The following TFCP2 variants were observed in gnomAD, a reference collection of about 807,000 sequenced individuals.
TFCP2 encodes the protein transcription factor CP2, also known as alpha-globin transcription factor CP2.
A neutral mutation model predicts 73.4 loss-of-function variants in TFCP2; 33 were observed. The observed-to-expected ratio is 0.45, with a 90% CI of 0.34 to 0.60. TFCP2 has a LOEUF of 0.60. Ranked by LOEUF, TFCP2 falls within the 20% of genes least tolerant of loss-of-function variation. The probability of loss-of-function intolerance (pLI) is 0.01; values close to 1 mark genes in which losing one functional copy is unlikely to be tolerated. For synonymous variants in TFCP2, 193 were observed against 211.6 expected, an observed-to-expected ratio of 0.91 and a Z score of 0.76; for missense variants, 352 against 604.0, an observed-to-expected ratio of 0.58 and a Z score of 4.37.
intron 1 of TFCP2, among the ~76,000 whole-genome samples, chr12:51,123,874 G>A (rs1493382): frequency 0.058 from 8,907 of 152,258 alleles, 501 homozygotes; most frequent in East Asian, 0.18. Flanking sequence ...CCCCAACAGG[G>A]CAGACTAAAA....
chr12:51,165,603 G>C (rs1197652071), intron 1 of TFCP2, among the ~76,000 whole-genome samples: 1 of 152,120 alleles, frequency 6.6e-6, no homozygotes, highest in Non-Finnish European at 1.5e-5. Context: ...GGCTGGAGTG[G>C]GGGGAGATGG....
chr12:51,172,581 G>A lies in TFCP2; in HGVS notation c.-159C>T. ...CCAAGCCCGACCAGCACTGCTCTGT[G>A]CACAACTAATCTCCCGTACCCTTGG... On this transcript the variant is annotated 5_prime_UTR_variant, in exon 1 of 15. Transcript: ENST00000257915. 1.1e-6 allele frequency: 1 copy of A among 895,612 alleles called. No homozygotes were observed. The highest frequency in any genetic ancestry group is 1.7e-6 in the Non-Finnish European group (1 of 602,960). 55.5% of individuals were successfully genotyped at this position (895,612 alleles called of 1,614,324 possible).
chr12:51,169,471 A>C (rs1349885611), intron 1 of TFCP2, among the ~76,000 whole-genome samples: 2 of 152,090 alleles, frequency 1.3e-5, no homozygotes, highest in African/African-American at 4.8e-5. Flanking sequence ...ACTGAATTCC[A>C]GCCTGGGCAA....
Position 51,124,936 on chromosome 12 carries a change from T to C in TFCP2, c.123-6164A>G, listed in dbSNP as rs773616054. The C allele has an allele frequency of 6.3e-6, 5 of 791,382 alleles. No homozygotes were observed. In the African/African-American group the frequency reaches 8.4e-5, roughly 13 times the overall value. The allele number at this position is 791,382 out of a possible 1,614,324, so 49.0% of individuals were successfully genotyped here. The stretch of plus-strand genomic sequence containing the variant: ...ACGTCGTCCAGGATGAGCCCAAATG[T>C]GGCTGCTTGCTCCGTAAGGTCGTTG... On this transcript the variant is annotated intron_variant, in intron 1 of 14. Transcript: ENST00000257915.
intron 1 of TFCP2, among the ~76,000 whole-genome samples, chr12:51,130,963 G>C (rs1421512472): frequency 1.3e-5 from 2 of 151,894 alleles, no homozygotes; most frequent in African/African-American, 4.8e-5. Flanking sequence ...ACTCCAGCCT[G>C]GGTGACAGAA....
In TFCP2 at chr12:51,121,249, C is replaced by T. The variant is rs576061815; in HGVS notation, c.123-2477G>A. 2.2e-4 allele frequency among the ~76,000 whole-genome samples: 33 copies of T among 151,948 alleles called. No homozygotes were observed. In the South Asian group the frequency reaches 6.0e-3, roughly 28 times the overall value. On this transcript the variant is annotated intron_variant, in intron 1 of 14. Transcript: ENST00000257915. ...CAGCCTGGCTAGCATGGTAAAACCC[C>T]GTCTCCACTAAAAGTACAAAAATTA...
intron 11 of TFCP2, among the ~76,000 whole-genome samples, 158 bp downstream of exon 11, chr12:51,101,777 A>G (rs1216719410): frequency 6.6e-6 from 1 of 152,228 alleles, no homozygotes. Context: ...AAAGTGCAAG[A>G]AAACATTTTT....
chr12:51,158,234 T>A (rs772779503), intron 1 of TFCP2, among the ~76,000 whole-genome samples: 73 of 151,672 alleles, frequency 4.8e-4, no homozygotes, highest in Middle Eastern at 3.2e-3. Flanking sequence ...CCCAGGCCAG[T>A]CTTGAACTCT....
rs369701126 is a variant in TFCP2 at position 51,099,772 on chromosome 12, G to A, written c.1159C>T (p.Arg387Cys). The A allele has an allele frequency of 6.2e-7, 1 of 1,613,940 alleles. No individual in the cohort carries two copies. The highest frequency in any genetic ancestry group is 1.7e-5 in the Admixed American group (1 of 60,004). Residue 387 changes from arginine to cysteine, a missense_variant, in exon 12 of 15, where the codon CGT becomes TGT. Around this residue, in one of 6 missense-constraint regions of TFCP2, gnomAD observed 194 missense variants for 256.3 expected, o/e 0.76. Transcript: ENST00000257915. ...LFNALKGRMV[R>C]PRLTIYVCQE... is the part of the protein sequence containing the mutation. ...CAAACATAAATGGTTAACCTTGGAC[G>A]CACCATCCTAAGGGGAGGAAAAAGG... is the stretch of plus-strand genomic sequence containing the variant.
intron 1 of TFCP2, among the ~76,000 whole-genome samples, chr12:51,171,350 T>C (rs1032952299): frequency 2.0e-5 from 3 of 152,154 alleles, no homozygotes; most frequent in Non-Finnish European, 2.9e-5. Flanking sequence ...ATATAGGCAA[T>C]AATGTTGCTT....
rs1481265198 is a variant in TFCP2, at chr12:51,148,896, G to T, written c.122+23405C>A. On this transcript the variant is annotated intron_variant, in intron 1 of 14. Coordinates refer to ENST00000257915, the MANE Select transcript of TFCP2 (RefSeq NM_005653.5). The stretch of plus-strand genomic sequence containing the variant: ...AAAAATTAGCCTGGAGTGGTGTCAG[G>T]CACCTGTAATTCCAGCTACTCAGGA... 2.7e-5 allele frequency among the ~76,000 whole-genome samples: 4 copies of T among 150,134 alleles called. No individual in the cohort carries two copies. The East Asian group carries it at 7.8e-4, about 29-fold the overall frequency.
At chr12:51,130,549 T>C (rs1488985925) in intron 1 of TFCP2, among the ~76,000 whole-genome samples, 1 of 152,088 alleles carries the variant, frequency 6.6e-6, no homozygotes, top group African/African-American at 2.4e-5. Flanking sequence ...GCATATAGTG[T>C]CCTCTGATAG....
At chr12:51,113,425 G>A (rs1940447104) in intron 4 of TFCP2, among the ~76,000 whole-genome samples, 1 of 152,134 alleles carries the variant, frequency 6.6e-6, no homozygotes. Context: ...AGCAACGTGG[G>A]AAGACACAAC....
rs984993797 is a variant in TFCP2, at chr12:51,108,495, G to A, written c.717+626C>T. The stretch of plus-strand genomic sequence containing the variant: ...GATAAAAATAAACAGGACCCTGGCT[G>A]GGGCACAGTGGCTTACACCTGTAAT... On this transcript the variant is annotated intron_variant, in intron 6 of 14. Transcript: ENST00000257915. Among the ~76,000 whole-genome samples, 36 of 151,802 alleles carry A rather than the reference G, an allele frequency of 2.4e-4. 1 individual carries two copies. Among genetic ancestry groups the A allele is most frequent in the Non-Finnish European group, 4.4e-5 (3 of 67,928 alleles).
chr12:51,120,454 G>A (rs892651246), intron 1 of TFCP2, among the ~76,000 whole-genome samples: 3 of 152,260 alleles, frequency 2.0e-5, no homozygotes, highest in African/African-American at 7.2e-5. Flanking sequence ...TTCCTGGTGG[G>A]GCAGGGGATG....
At chr12:51,097,418 T>G (rs1160608090) in intron 13 of TFCP2, among the ~76,000 whole-genome samples, 2 of 152,014 alleles carry the variant, frequency 1.3e-5, no homozygotes, top group Non-Finnish European at 2.9e-5. Flanking sequence ...CAGCTAATTT[T>G]TGTATTTTTA....
chr12:51,158,245 G>A (rs1037542810), intron 1 of TFCP2, among the ~76,000 whole-genome samples: 20 of 151,742 alleles, frequency 1.3e-4, no homozygotes, highest in Admixed American at 9.2e-4. Flanking sequence ...CTTGAACTCT[G>A]ACCTCAAGAG....
At chr12:51,164,828 C>G (rs1941720867) in intron 1 of TFCP2, among the ~76,000 whole-genome samples, 1 of 151,716 alleles carries the variant, frequency 6.6e-6, no homozygotes, top group African/African-American at 2.4e-5. Context: ...AAAACTGACT[C>G]AGAAAAAATT....
At chr12:51,100,516 G>A (rs1456737528) in intron 11 of TFCP2, among the ~76,000 whole-genome samples, 1 of 152,116 alleles carries the variant, frequency 6.6e-6, no homozygotes, top group Admixed American at 6.6e-5. Flanking sequence ...CCCTTATGAT[G>A]TAGACAAAAA....
Sources: allele counts gnomAD v4.1 joint callset (sites outside exome capture counted in the v4.1 genomes callset), GRCh38; gene constraint gnomAD v4.1.1; regional missense constraint gnomAD v4.1.1; transcripts MANE v1.5; gene names NCBI Gene and HGNC (gene_info 2026-07-23, HGNC 2026-07-21).